PRKX: variants seen among roughly 807,000 people sequenced by gnomAD.
The protein encoded by PRKX is cAMP-dependent protein kinase catalytic subunit PRKX.
In PRKX, 12 loss-of-function variants were observed where a neutral mutation model predicts 22.0. The ratio of observed to expected loss-of-function variants is 0.54; its 90% CI spans 0.35 to 0.88. The LOEUF is 0.88. PRKX is among the 40% of genes least tolerant of loss of function. The pLI is 0.01. For missense variants in PRKX, 217 were observed against 308.0 expected (o/e 0.70, Z 2.21); for synonymous variants, 134 against 137.7 (o/e 0.97, Z 0.19).
chrX:3,647,767 G>A (rs1418589139), intron 3 of PRKX, among the ~76,000 whole-genome samples: 1 of 108,929 alleles, frequency 9.2e-6, no homozygotes, highest in Non-Finnish European at 1.9e-5. Context: ...TGTATAGTTC[G>A]GTGGTGGGAA....
intron 3 of PRKX, among the ~76,000 whole-genome samples, chrX:3,654,365 T>C (rs951566652): frequency 8.8e-5 from 9 of 101,739 alleles, no homozygotes; most frequent in Non-Finnish European, 1.6e-4. Context: ...ACATATATAG[T>C]GGAAATATAT....
chrX:3,704,545 C>T (rs1928644920), intron 1 of PRKX, among the ~76,000 whole-genome samples: 1 of 111,274 alleles, frequency 9.0e-6, no homozygotes, highest in Admixed American at 9.6e-5. Context: ...TGCACACCTG[C>T]AGTCCCAGCT....
intron 1 of PRKX, among the ~76,000 whole-genome samples, chrX:3,688,317 G>A (rs1432790241): frequency 1.0e-5 from 1 of 98,369 alleles, no homozygotes; most frequent in Non-Finnish European, 2.1e-5. Flanking sequence ...ATGGTGGCAG[G>A]CACCTGTAAC....
chrX:3,672,396 AAC>A (rs2146594196), intron 2 of PRKX, among the ~76,000 whole-genome samples: 1 of 111,583 alleles, frequency 9.0e-6, no homozygotes, highest in East Asian at 2.8e-4. Flanking sequence ...TGCCAAGGAA[AAC>A]AGTCTTGAGC....
chrX:3,700,431 T>A (rs906196428), intron 1 of PRKX, among the ~76,000 whole-genome samples: 1 of 112,396 alleles, frequency 8.9e-6, no homozygotes, highest in African/African-American at 3.2e-5. Flanking sequence ...AAGGATAAAC[T>A]AAACAAAAGC....
At chrX:3,704,645 G>A (rs1366589503) in intron 1 of PRKX, among the ~76,000 whole-genome samples, 1 of 109,985 alleles carries the variant, frequency 9.1e-6, no homozygotes, top group East Asian at 2.9e-4. Flanking sequence ...CTGGGTGTCC[G>A]AGTGAGACCC....
chrX:3,682,744 C>T (rs923266174), intron 1 of PRKX, among the ~76,000 whole-genome samples: 1 of 108,379 alleles, frequency 9.2e-6, no homozygotes, highest in Non-Finnish European at 1.9e-5. Flanking sequence ...CCCCTGGAGC[C>T]TCCAGAAACA....
intron 8 of PRKX, chrX:3,611,022 T>G (rs1251841711): frequency 8.9e-6 from 1 of 112,160 alleles, no homozygotes; most frequent in Non-Finnish European, 1.9e-5. Context: ...CGCTCTCATG[T>G]TAATACAAAC....
At chrX:3,617,726 T>C (rs1603473034) in intron 6 of PRKX, among the ~76,000 whole-genome samples, 1 of 110,582 alleles carries the variant, frequency 9.0e-6, no homozygotes, top group Non-Finnish European at 1.9e-5. Flanking sequence ...CAGTCAACAA[T>C]GGATGACATA....
chrX:3,692,527 CT>C lies in PRKX; in HGVS notation c.167-17762del, dbSNP rs34719641. On this transcript the variant is annotated intron_variant, in intron 1 of 8. Coordinates refer to ENST00000262848, the MANE Select transcript of PRKX (RefSeq NM_005044.5). ...AGGCTATGGAGAGTAAGCAACTGAA[CT>C]TTTTTTTTTTTTTTTTTGAGACGGA... 2.1e-3 allele frequency among the ~76,000 whole-genome samples: 196 copies of C among 94,052 alleles called. 1 individual carries two copies. Among genetic ancestry groups the C allele is most frequent in the African/African-American group, 4.6e-3 (119 of 26,048 alleles). The allele number at this position is 94,052 out of a possible 115,157, so 81.7% of individuals were successfully genotyped here. A position where few individuals can be genotyped will look rare whatever the true frequency, so the allele number is the denominator to read the frequency against.
chrX:3,708,592 C>T (rs1928726488), intron 1 of PRKX, among the ~76,000 whole-genome samples: 1 of 110,136 alleles, frequency 9.1e-6, no homozygotes, highest in Non-Finnish European at 1.9e-5. Flanking sequence ...TGGCCAGGCA[C>T]GGTGGCTCAC....
Position 3,673,118 on chromosome X carries a change from T to A in PRKX, c.335+1480A>T, listed in dbSNP as rs1445880065. 1.2e-4 allele frequency among the ~76,000 whole-genome samples: 13 copies of A among 111,714 alleles called. No individual in the cohort carries two copies. The Admixed American group carries it at 1.2e-3, about 11-fold the overall frequency. ...CTAGAGGAGAAGGCAGGTGCACTTG[T>A]TCCAGTACACACGAGGTGCTTCAAG... On this transcript the variant is annotated intron_variant, in intron 2 of 8. Transcript: ENST00000262848.
At chrX:3,683,114 T>C (rs1928108106) in intron 1 of PRKX, among the ~76,000 whole-genome samples, 1 of 112,430 alleles carries the variant, frequency 8.9e-6, no homozygotes, top group African/African-American at 3.2e-5. Context: ...CTGCCGCATC[T>C]GCACTTCAGA....
chrX:3,687,868 G>A (rs759499884), intron 1 of PRKX, among the ~76,000 whole-genome samples: 2 of 111,882 alleles, frequency 1.8e-5, no homozygotes, highest in Non-Finnish European at 3.8e-5. Context: ...GGACAGCATC[G>A]TGTTCCTCAT....
At chrX:3,651,537 T>G (rs1927334357) in intron 3 of PRKX, among the ~76,000 whole-genome samples, 2 of 112,153 alleles carry the variant, frequency 1.8e-5, no homozygotes, top group South Asian at 7.4e-4. Flanking sequence ...TCCATGTGCC[T>G]TATTTTTGGA....
intron 1 of PRKX, among the ~76,000 whole-genome samples, chrX:3,711,484 G>A (rs1371594791): frequency 8.9e-6 from 1 of 112,158 alleles, no homozygotes; most frequent in African/African-American, 3.2e-5. Context: ...CCCGCATCCT[G>A]CTCTCTGCCC....
intron 5 of PRKX, 125 bp from the exon 6 acceptor site, chrX:3,621,441 G>T: frequency 1.7e-6 from 1 of 588,483 alleles, no homozygotes; most frequent in Non-Finnish European, 2.7e-6. Flanking sequence ...TTTCCACTTT[G>T]GCAAAACACT....
chrX:3,657,276 G>A (rs1927499732), intron 2 of PRKX, among the ~76,000 whole-genome samples: 1 of 111,155 alleles, frequency 9.0e-6, no homozygotes, highest in Admixed American at 9.7e-5. Flanking sequence ...TTTGGAGACA[G>A]GTCATGTAAA....
In PRKX at chrX:3,626,444, G is replaced by A; in HGVS notation, c.790C>T (p.Pro264Ser). 5 of 1,209,232 alleles carry A rather than the reference G, an allele frequency of 4.1e-6. No individual in the cohort carries two copies. Among genetic ancestry groups the A allele is most frequent in the Non-Finnish European group, 5.6e-6 (5 of 893,258 alleles). The change falls in exon 5 of 9, where the codon CCC (proline) becomes TCC (serine). Residue 264 changes from proline to serine, a missense_variant. Transcript: ENST00000262848. ...QKILAGKIDF[P>S]RHLDFHVKDL... is the part of the protein sequence containing the mutation. Reference sequence around the variant, plus strand: ...TTTACATGGAAATCCAAATGTCTGGGGAAATCTATTTTGCCTGCAAGAATT... The same window carrying A: ...TTTACATGGAAATCCAAATGTCTGGAGAAATCTATTTTGCCTGCAAGAATT...
Sources: allele counts gnomAD v4.1 joint callset (sites outside exome capture counted in the v4.1 genomes callset), GRCh38; gene constraint gnomAD v4.1.1; transcripts MANE v1.5; gene names NCBI Gene and HGNC (gene_info 2026-07-23, HGNC 2026-07-21).